Variants in DSCAML1 observed in about 807,000 individuals in gnomAD.
DSCAML1 encodes the protein cell adhesion molecule DSCAML1.
A neutral mutation model predicts 200.5 loss-of-function variants in DSCAML1; 38 were observed. That is an observed-to-expected ratio of 0.19 (90% CI 0.15 to 0.25). DSCAML1 has a LOEUF of 0.25. Among genes scored for constraint, DSCAML1 ranks in the 10% least tolerant of loss-of-function variants. The pLI is 1.00. For missense variants in DSCAML1, 2,223 were observed against 2,858.8 expected (o/e 0.78, Z 5.07); for synonymous variants, 1,215 against 1,165.0 (o/e 1.04, Z -0.87).
At position 117,438,111 on chromosome 11, in the gene DSCAML1, GGGGCA is replaced by G. The variant is rs748916006; in HGVS notation, c.4244-33_4244-29del. The G allele has an allele frequency of 6.3e-5, 99 of 1,582,038 alleles. No individual in the cohort carries two copies. In the African/African-American group the frequency reaches 1.1e-3, roughly 18 times the overall value. On this transcript the variant is annotated intron_variant, in intron 24 of 32. Transcript: ENST00000651296. Reference sequence around the variant, plus strand: ...GCGGAGGGTAGGCCTGATTCAGGTGGGGGCAGGGCAGGGCAAGGCAGCAGAAGCCC... The same window carrying G: ...GCGGAGGGTAGGCCTGATTCAGGTGGGGGCAGGGCAAGGCAGCAGAAGCCC...
In DSCAML1 at chr11:117,757,573, T is replaced by TACACAC. The variant is rs5795104; in HGVS notation, c.511+19212_511+19217dup. The stretch of plus-strand genomic sequence containing the variant: ...GCATTTTTAACCAATTAGGAGCCTA[T>TACACAC]ACACACACACACACACACACACACA... On this transcript the variant is annotated intron_variant, in intron 3 of 32. Coordinates refer to ENST00000651296, the MANE Select transcript of DSCAML1 (RefSeq NM_020693.4). Among the ~76,000 whole-genome samples the TACACAC allele has an allele frequency of 1.5e-3, 220 of 146,902 alleles. 1 individual carries two copies. The highest frequency in any genetic ancestry group is 6.9e-3 in the Middle Eastern group (2 of 288).
At chr11:117,708,081 T>C (rs1777401083) in intron 3 of DSCAML1, among the ~76,000 whole-genome samples, 1 of 152,114 alleles carries the variant, frequency 6.6e-6, no homozygotes, top group South Asian at 2.1e-4. Context: ...CTTCAACACC[T>C]CCTGCCTCCC....
chr11:117,548,041 A>G (rs2050407538), intron 3 of DSCAML1, among the ~76,000 whole-genome samples: 1 of 152,084 alleles, frequency 6.6e-6, no homozygotes, highest in Admixed American at 6.5e-5. Context: ...ACTCGTCTCT[A>G]CTGGGACAAG....
chr11:117,507,799 C>G (rs2049531501), intron 8 of DSCAML1, among the ~76,000 whole-genome samples: 1 of 152,208 alleles, frequency 6.6e-6, no homozygotes, highest in Admixed American at 6.5e-5. Context: ...TAAATCCCAG[C>G]CAGCTTTTCC....
Position 117,478,835 on chromosome 11 carries a change from G to T in DSCAML1, c.2785+1608C>A, listed in dbSNP as rs527917266. 2.0e-5 allele frequency among the ~76,000 whole-genome samples: 3 copies of T among 152,292 alleles called. No homozygotes were observed. In the East Asian group the frequency reaches 5.8e-4, roughly 29 times the overall value. ...CCCATCTCAGTGCAGCATCTACAGG[G>T]GACCAGACACATGCCTTCCTGGACA... On this transcript the variant is annotated intron_variant, in intron 14 of 32. Coordinates refer to ENST00000651296, the MANE Select transcript of DSCAML1 (RefSeq NM_020693.4).
At chr11:117,762,519 TG>T (rs1212054319) in intron 3 of DSCAML1, among the ~76,000 whole-genome samples, 6 of 152,066 alleles carry the variant, frequency 3.9e-5, no homozygotes, top group African/African-American at 1.4e-4. Context: ...CATCTGTAAA[TG>T]GGGGTAATTG....
intron 3 of DSCAML1, among the ~76,000 whole-genome samples, chr11:117,663,160 G>A (rs1038343050): frequency 3.3e-5 from 5 of 152,156 alleles, no homozygotes; most frequent in African/African-American, 1.2e-4. Context: ...GGCATTGCAC[G>A]CTACCGAAAA....
chr11:117,698,150 T>C lies in DSCAML1; in HGVS notation c.511+78641A>G, dbSNP rs189005572. 1.1e-4 allele frequency among the ~76,000 whole-genome samples: 17 copies of C among 152,360 alleles called. No homozygotes were observed. In the East Asian group the frequency reaches 2.7e-3, roughly 24 times the overall value. On this transcript the variant is annotated intron_variant, in intron 3 of 32. Transcript: ENST00000651296. ...TTTTGTTTAGCTATTCACACGTCAATGGACCCTTGGGTTGTTTCCACCTTT... is the reference window on the plus strand; with the variant it reads ...TTTTGTTTAGCTATTCACACGTCAACGGACCCTTGGGTTGTTTCCACCTTT...
At chr11:117,612,452 C>T (rs1338603350) in intron 3 of DSCAML1, among the ~76,000 whole-genome samples, 1 of 152,182 alleles carries the variant, frequency 6.6e-6, no homozygotes, top group Non-Finnish European at 1.5e-5. Flanking sequence ...CTACCCCCGC[C>T]CCTAACACAC....
intron 3 of DSCAML1, among the ~76,000 whole-genome samples, chr11:117,571,489 G>A (rs11216456): frequency 6.6e-6 from 1 of 152,172 alleles, no homozygotes; most frequent in African/African-American, 2.4e-5. Context: ...TGGCCTCCTG[G>A]AGCACTAGCC....
At chr11:117,482,238 A>G (rs1485174264) in intron 11 of DSCAML1, 76 bp from the exon 12 acceptor site, 36 of 1,526,638 alleles carry the variant, frequency 2.4e-5, no homozygotes, top group Non-Finnish European at 3.1e-5. Flanking sequence ...CCCTGCGCAG[A>G]AGCCCCCGCC....
At chr11:117,486,322 A>ATAATG (rs2049056967) in intron 11 of DSCAML1, among the ~76,000 whole-genome samples, 2 of 134,128 alleles carry the variant, frequency 1.5e-5, no homozygotes, top group South Asian at 2.2e-4. Context: ...ATGTGAAAGT[A>ATAATG]GCGGATGTGA....
rs191384126 is a variant in DSCAML1 at position 117,734,262 on chromosome 11, T to C, written c.511+42529A>G. Among the ~76,000 whole-genome samples the C allele has an allele frequency of 1.6e-4, 25 of 152,344 alleles. No individual in the cohort carries two copies. In the East Asian group the frequency reaches 4.4e-3, roughly 27 times the overall value. ...GCATGGCCTTTCACCCTGATTTACC[T>C]GGCCCTAGGGAGATCTTTCTCTAGG... On this transcript the variant is annotated intron_variant, in intron 3 of 32. Coordinates refer to ENST00000651296, the MANE Select transcript of DSCAML1 (RefSeq NM_020693.4).
chr11:117,515,610 C>CT (rs56765238), intron 8 of DSCAML1, among the ~76,000 whole-genome samples: 12,542 of 64,408 alleles, frequency 0.19, 3,640 homozygotes, highest in Non-Finnish European at 0.24. Context: ...AGGGACGAAG[C>CT]TTTTTTTTTT....
chr11:117,468,098 C>A (rs1035705482), intron 16 of DSCAML1, among the ~76,000 whole-genome samples: 2 of 151,978 alleles, frequency 1.3e-5, no homozygotes, highest in Non-Finnish European at 2.9e-5. Flanking sequence ...TTTTTTCTCT[C>A]CTTCTCTGTC....
intron 3 of DSCAML1, among the ~76,000 whole-genome samples, chr11:117,687,303 C>T (rs1430748784): frequency 1.3e-5 from 2 of 152,046 alleles, no homozygotes; most frequent in African/African-American, 4.8e-5. Context: ...CTCTGTAACC[C>T]AGGCTGGAGT....
intron 6 of DSCAML1, 29 bp downstream of exon 6, chr11:117,521,101 G>C: frequency 6.2e-7 from 1 of 1,604,062 alleles, no homozygotes; most frequent in Non-Finnish European, 8.5e-7. Flanking sequence ...CCCTGAACCC[G>C]CCCCCTGTGT....
At chr11:117,526,068 C>T (rs1025220403) in intron 4 of DSCAML1, among the ~76,000 whole-genome samples, 14 of 152,324 alleles carry the variant, frequency 9.2e-5, no homozygotes, top group African/African-American at 2.9e-4. Flanking sequence ...ATAGCGCCTG[C>T]GGGCAGGATT....
chr11:117,474,579 T>A (rs768244866), intron 14 of DSCAML1, among the ~76,000 whole-genome samples: 5 of 152,170 alleles, frequency 3.3e-5, no homozygotes, highest in Non-Finnish European at 5.9e-5. Context: ...GGATGTTTCA[T>A]GGACACTTCA....
Sources: gnomAD v4.1 joint callset for allele counts (sites outside exome capture counted in the v4.1 genomes callset) on GRCh38, gnomAD v4.1.1 for gene constraint, MANE v1.5 for transcripts, NCBI Gene and HGNC (gene_info 2026-07-23, HGNC 2026-07-21) for gene names.